The following CYP1A2 variants were observed in gnomAD, a reference collection of about 807,000 sequenced individuals.
The protein encoded by CYP1A2 is cytochrome P450 1A2.
In CYP1A2, 35 loss-of-function variants were observed where a neutral mutation model predicts 34.7. That is an observed-to-expected ratio of 1.01 (90% CI 0.77 to 1.34). CYP1A2 has a LOEUF of 1.34. Among genes scored for constraint, CYP1A2 ranks in the 40% most tolerant of loss-of-function variants. The probability of loss-of-function intolerance (pLI) is 0.00; values close to 1 mark genes in which losing one functional copy is unlikely to be tolerated. For missense variants in CYP1A2, 675 were observed against 675.8 expected, an observed-to-expected ratio of 1.00 and a Z score of 0.01; for synonymous variants, 288 against 281.9, an observed-to-expected ratio of 1.02 and a Z score of -0.22.
Position 74,750,451 on chromosome 15 carries a change from T to C in CYP1A2, c.713T>C (p.Phe238Ser), listed in dbSNP as rs200571120. 7 of 1,614,146 alleles carry C rather than the reference T, an allele frequency of 4.3e-6. No homozygotes were observed. The highest frequency in any genetic ancestry group is 1.7e-5 in the Admixed American group (1 of 60,022). Residue 238 changes from phenylalanine to serine, a missense_variant, in exon 2 of 7, where the codon TTC (phenylalanine) becomes TCC (serine). Physicochemically the swap from Phe to Ser is radical, Grantham distance 155 (BLOSUM62 -2). Transcript: ENST00000343932. ...GCCTCCTCCGGGAACCCCCTGGACTTCTTCCCCATCCTTCGCTACCTGCCT... is the reference window on the plus strand; with the variant it reads ...GCCTCCTCCGGGAACCCCCTGGACTCCTTCCCCATCCTTCGCTACCTGCCT... ...ETASSGNPLD[F>S]FPILRYLPNP...
Position 74,750,049 on chromosome 15 carries a change from A to AT in CYP1A2, c.314dup (p.Lys106GlnfsTer5). On this transcript the variant is annotated frameshift_variant, in exon 2 of 7. Transcript: ENST00000343932. LOFTEE classifies it high-confidence loss of function. ...CAGGCCCTGGTGCGGCAGGGCGACG[A>AT]TTTCAAGGGCCGGCCTGACCTCTAC... The AT allele has an allele frequency of 6.2e-7, 1 of 1,613,990 alleles. No homozygotes were observed. Among genetic ancestry groups the AT allele is most frequent in the Non-Finnish European group, 8.5e-7 (1 of 1,180,012 alleles).
chr15:74,750,517 T>C lies in CYP1A2; in HGVS notation c.779T>C (p.Phe260Ser). Residue 260 changes from phenylalanine (F) to serine (S), a missense_variant, in exon 2 of 7, where the codon TTC becomes TCC. Transcript: ENST00000343932. ...AGGTTCAAGGCCTTCAACCAGAGGT[T>C]CCTGTGGTTCCTGCAGAAAACAGTC... Reference protein sequence around the residue: ...LQRFKAFNQRFLWFLQKTVQE... With the variant: ...LQRFKAFNQRSLWFLQKTVQE... The C allele has an allele frequency of 6.2e-7, 1 of 1,614,154 alleles. No individual in the cohort carries two copies. Among genetic ancestry groups the C allele is most frequent in the Non-Finnish European group, 8.5e-7 (1 of 1,180,024 alleles).
At chr15:74,754,286 C>A (rs2063328463) in intron 6 of CYP1A2, among the ~76,000 whole-genome samples, 1 of 151,852 alleles carries the variant, frequency 6.6e-6, no homozygotes, top group Non-Finnish European at 1.5e-5. Context: ...TAAGGCTGGT[C>A]ATTTTAGAGA....
Position 74,753,184 on chromosome 15 carries a change from CACA to C in CYP1A2, c.1172_1174del (p.Thr391del), listed in dbSNP as rs765437776. On this transcript the variant is annotated inframe_deletion and splice_region_variant, in exon 6 of 7. Coordinates refer to ENST00000343932, the MANE Select transcript of CYP1A2 (RefSeq NM_000761.5). ...TCACAGTGCCCTCTTCCCTCCTCAG[CACA>C]ACAAGGGACACAACGCTGAATGGCT... The C allele has an allele frequency of 8.1e-6, 13 of 1,613,072 alleles. No homozygotes were observed. The highest frequency in any genetic ancestry group is 1.0e-5 in the Non-Finnish European group (12 of 1,179,354).
intron 6 of CYP1A2, among the ~76,000 whole-genome samples, 156 bp from the exon 7 acceptor site, chr15:74,754,635 A>C (rs545588254): frequency 6.6e-6 from 1 of 151,554 alleles, no homozygotes; most frequent in East Asian, 1.9e-4. Flanking sequence ...AAAAAGAAAT[A>C]AGCATCAAAG....
intron 6 of CYP1A2, 84 bp downstream of exon 6, chr15:74,753,354 A>G (rs764769076): frequency 5.0e-5 from 56 of 1,127,016 alleles, no homozygotes; most frequent in Non-Finnish European, 7.2e-5. Context: ...CTGTTTATAT[A>G]ATGAAAGGAG....
Position 74,750,646 on chromosome 15 carries a change from C to G in CYP1A2, c.831+77C>G, listed in dbSNP as rs1228964472. On this transcript the variant is annotated intron_variant, in intron 2 of 6. Transcript: ENST00000343932. ...CCCCTCCCTCCCAGCTCCAGCATGC[C>G]CACACAGCTGCTGTGTTGCCAAGGC... The G allele has an allele frequency of 5.5e-6, 7 of 1,262,066 alleles. No individual in the cohort carries two copies. The African/African-American group carries it at 1.0e-4, about 19-fold the overall frequency. 78.2% of individuals were successfully genotyped at this position (1,262,066 alleles called of 1,614,324 possible).
chr15:74,753,537 C>T (rs1451050256), intron 6 of CYP1A2, among the ~76,000 whole-genome samples: 2 of 152,032 alleles, frequency 1.3e-5, no homozygotes, highest in Non-Finnish European at 2.9e-5. Flanking sequence ...TTGAGACCAG[C>T]CTGGGCAACA....
Position 74,750,030 on chromosome 15 carries a change from C to T in CYP1A2, c.292C>T (p.Leu98=). 6.2e-7 allele frequency: 1 copy of T among 1,614,086 alleles called. No individual in the cohort carries two copies. Among genetic ancestry groups the T allele is most frequent in the Non-Finnish European group, 8.5e-7 (1 of 1,180,030 alleles). The part of the protein sequence containing the change: ...LSRLDTIRQA[L]VRQGDDFKGR... ...CCGCCTGGACACCATCCGGCAGGCC[C>T]TGGTGCGGCAGGGCGACGATTTCAA... The change falls in exon 2 of 7, where the codon CTG becomes TTG. Residue 98 remains leucine (L), a synonymous_variant. Transcript: ENST00000343932.
chr15:74,755,261 T>C lies in CYP1A2; in HGVS notation c.*173T>C. 1.3e-6 allele frequency: 1 copy of C among 768,524 alleles called. No homozygotes were observed. The highest frequency in any genetic ancestry group is 2.0e-6 in the Non-Finnish European group (1 of 505,174). 47.6% of individuals were successfully genotyped at this position (768,524 alleles called of 1,614,324 possible). ...TGGAGGATCATTTGAGCCCAGGAAT[T>C]GGAAAGCAGCCTGGCCAACATAGTG... On this transcript the variant is annotated 3_prime_UTR_variant, in exon 7 of 7. Coordinates refer to ENST00000343932, the MANE Select transcript of CYP1A2 (RefSeq NM_000761.5).
intron 6 of CYP1A2, among the ~76,000 whole-genome samples, 200 bp downstream of exon 6, chr15:74,753,470 C>T (rs1236742411): frequency 6.6e-6 from 1 of 152,142 alleles, no homozygotes; most frequent in African/African-American, 2.4e-5. Flanking sequence ...GTGGCTCAAG[C>T]CTATAATCCC....
At chr15:74,754,743 C>T (rs1426724750) in intron 6 of CYP1A2, 48 bp from the exon 7 acceptor site, 7 of 1,578,862 alleles carry the variant, frequency 4.4e-6, no homozygotes, top group African/African-American at 2.7e-5. Context: ...CACCTCCTCC[C>T]AGGGCCTCTC....
chr15:74,750,370 A>T lies in CYP1A2; in HGVS notation c.632A>T (p.Glu211Val). 1.2e-5 allele frequency: 19 copies of T among 1,614,078 alleles called. No individual in the cohort carries two copies. The highest frequency in any genetic ancestry group is 1.5e-5 in the Non-Finnish European group (18 of 1,180,022). The change falls in exon 2 of 7, where the codon GAG (glutamate) becomes GTG (valine). Residue 211 changes from glutamate (E) to valine (V), a missense_variant. Transcript: ENST00000343932. ...GAMCFGQHFP[E>V]SSDEMLSLVK... is the part of the protein sequence containing the mutation. ...ATGTGCTTCGGACAGCACTTCCCTG[A>T]GAGTAGCGATGAGATGCTCAGCCTC...
chr15:74,749,939 G>C lies in CYP1A2; in HGVS notation c.201G>C (p.Arg67Ser). The change falls in exon 2 of 7, where the codon AGG (arginine) becomes AGC (serine). Residue 67 changes from arginine to serine, a missense_variant. Arg to Ser is a moderately radical substitution (Grantham distance 110, BLOSUM62 -1). Transcript: ENST00000343932. ...LGKNPHLALS[R>S]MSQRYGDVLQ... The stretch of plus-strand genomic sequence containing the variant: ...AGAACCCGCACCTGGCACTGTCAAG[G>C]ATGAGCCAGCGCTACGGGGACGTCC... 6.2e-7 allele frequency: 1 copy of C among 1,613,224 alleles called. No homozygotes were observed.
chr15:74,754,746 G>A (rs1025432192), intron 6 of CYP1A2, 45 bp from the exon 7 acceptor site: 4 of 1,582,272 alleles, frequency 2.5e-6, no homozygotes, highest in Middle Eastern at 1.7e-4. Context: ...CTCCTCCCAG[G>A]GCCTCTCCAG....
chr15:74,755,234 G>T lies in CYP1A2; in HGVS notation c.*146G>T. On this transcript the variant is annotated 3_prime_UTR_variant, in exon 7 of 7. Transcript: ENST00000343932. ...AATCCCAGCATTTTAGGAGGCCAAG[G>T]TTGGAGGATCATTTGAGCCCAGGAA... 1.1e-6 allele frequency: 1 copy of T among 899,434 alleles called. No homozygotes were observed. The highest frequency in any genetic ancestry group is 1.6e-6 in the Non-Finnish European group (1 of 613,912). 55.7% of individuals were successfully genotyped at this position (899,434 alleles called of 1,614,324 possible). A position where few individuals can be genotyped will look rare whatever the true frequency, so the allele number is the denominator to read the frequency against.
At position 74,755,779 on chromosome 15, in the gene CYP1A2, C is replaced by T. The variant is rs935787548; in HGVS notation, c.*691C>T. 1 of 151,954 alleles carries T rather than the reference C, an allele frequency of 6.6e-6. No homozygotes were observed. The highest frequency in any genetic ancestry group is 2.4e-5 in the African/African-American group (1 of 41,370). The allele number at this position is 151,954 out of a possible 1,614,324, so 9.4% of individuals were successfully genotyped here. A position where few individuals can be genotyped will look rare whatever the true frequency, so the allele number is the denominator to read the frequency against. On this transcript the variant is annotated 3_prime_UTR_variant, in exon 7 of 7. Coordinates refer to ENST00000343932, the MANE Select transcript of CYP1A2 (RefSeq NM_000761.5). The stretch of plus-strand genomic sequence containing the variant: ...ACATTCTTAAAGTGTCGAATGACTT[C>T]TAGTGTAGAATTGTGCAACCATCAC...
At chr15:74,749,603 T>C in intron 1 of CYP1A2, 127 bp from the exon 2 acceptor site, 2 of 761,736 alleles carry the variant, frequency 2.6e-6, no homozygotes, top group Non-Finnish European at 4.2e-6. Flanking sequence ...TGGAGCTTAG[T>C]CTTTCTGGTA....
intron 3 of CYP1A2, among the ~76,000 whole-genome samples, 158 bp downstream of exon 3, chr15:74,751,467 C>T (rs1314590406): frequency 2.6e-5 from 4 of 152,206 alleles, no homozygotes; most frequent in African/African-American, 9.6e-5. Flanking sequence ...CTGGGCTATG[C>T]CACCAATTCC....
Sources: gnomAD v4.1 joint callset for allele counts (sites outside exome capture counted in the v4.1 genomes callset) on GRCh38, gnomAD v4.1.1 for gene constraint, MANE v1.5 for transcripts, NCBI Gene and HGNC (gene_info 2026-07-23, HGNC 2026-07-21) for gene names.